The following KIAA0513 variants were observed in gnomAD, a reference collection of about 807,000 sequenced individuals.
KIAA0513 encodes KIAA0513, also known as uncharacterized protein KIAA0513.
KIAA0513 carries 39 observed loss-of-function variants against 56.5 expected under a neutral mutation model. That is an observed-to-expected ratio of 0.69 (90% CI 0.53 to 0.90). KIAA0513 has a LOEUF of 0.90. Ranked by LOEUF, KIAA0513 falls within the 40% of genes least tolerant of loss-of-function variation. The pLI, the probability that KIAA0513 is intolerant of heterozygous loss-of-function variation, is 0.00. For missense variants in KIAA0513, 591 were observed against 535.2 expected (o/e 1.10, Z -1.03); for synonymous variants, 268 against 215.6 (o/e 1.24, Z -2.13).
chr16:85,048,180 G>T (rs1389428190), intron 1 of KIAA0513, among the ~76,000 whole-genome samples: 7 of 152,184 alleles, frequency 4.6e-5, no homozygotes. Flanking sequence ...TGGGCCTCTG[G>T]AGCCCATCCC....
chr16:85,084,186 C>T (rs1200725228), intron 10 of KIAA0513, among the ~76,000 whole-genome samples: 3 of 151,208 alleles, frequency 2.0e-5, no homozygotes, highest in African/African-American at 4.9e-5. Context: ...CTCAGCCTCC[C>T]GAGTAGTTAG....
chr16:85,069,397 GTTTGC>G (rs2073539058), intron 2 of KIAA0513, among the ~76,000 whole-genome samples: 1 of 152,140 alleles, frequency 6.6e-6, no homozygotes, highest in Admixed American at 6.6e-5. Flanking sequence ...AGAAGCAGCT[GTTTGC>G]ATGGGGCCCT....
At chr16:85,033,402 C>T (rs1380113357) in intron 1 of KIAA0513, among the ~76,000 whole-genome samples, 1 of 152,202 alleles carries the variant, frequency 6.6e-6, no homozygotes. Context: ...CCTTCTTTTG[C>T]GTTTTGCTGC....
At chr16:85,080,900 G>A (rs2073733859) in intron 8 of KIAA0513, among the ~76,000 whole-genome samples, 1 of 152,198 alleles carries the variant, frequency 6.6e-6, no homozygotes, top group Admixed American at 6.5e-5. Flanking sequence ...TGCCATTGAT[G>A]TTACTAGACC....
In KIAA0513 at chr16:85,088,309, A is replaced by ACT. The variant is rs772079957; in HGVS notation, c.1220_1221insCT (p.Gln407HisfsTer2). ...AAGCTGCTTAGTGACCACATTGAGC[A>ACT]AATGGCCACTGAGTAGGCCCCAGAG... On this transcript the variant is annotated frameshift_variant, in exon 13 of 13. Coordinates refer to ENST00000683363, the MANE Select transcript of KIAA0513 (RefSeq NM_001388359.1). LOFTEE classifies it high-confidence loss of function. 2.9e-5 allele frequency: 46 copies of ACT among 1,611,776 alleles called. No individual in the cohort carries two copies. The highest frequency in any genetic ancestry group is 3.9e-5 in the Non-Finnish European group (46 of 1,179,920).
chr16:85,040,263 G>C (rs1353672315), intron 1 of KIAA0513, among the ~76,000 whole-genome samples: 3 of 152,222 alleles, frequency 2.0e-5, no homozygotes, highest in Non-Finnish European at 2.9e-5. Flanking sequence ...GGTGCTTCTG[G>C]CATCTAGCGA....
intron 7 of KIAA0513, 120 bp downstream of exon 7, chr16:85,078,575 G>A (rs2073694325): frequency 2.2e-6 from 2 of 921,388 alleles, no homozygotes; most frequent in East Asian, 2.6e-5. Context: ...CCTTGCCCTG[G>A]GTGATGCCCC....
At chr16:85,043,994 C>T (rs1474462797) in intron 1 of KIAA0513, among the ~76,000 whole-genome samples, 2 of 152,152 alleles carry the variant, frequency 1.3e-5, no homozygotes, top group Non-Finnish European at 2.9e-5. Context: ...TGCGCCAGTG[C>T]ACTCCAGCCT....
At chr16:85,058,429 G>A (rs2143962895) in intron 1 of KIAA0513, among the ~76,000 whole-genome samples, 1 of 152,300 alleles carries the variant, frequency 6.6e-6, no homozygotes, top group East Asian at 1.9e-4. Context: ...CGAAGCAGGT[G>A]GATCCCTGAG....
At chr16:85,050,612 A>T (rs868361385) in intron 1 of KIAA0513, among the ~76,000 whole-genome samples, 7 of 152,140 alleles carry the variant, frequency 4.6e-5, no homozygotes, top group Middle Eastern at 3.2e-3. Flanking sequence ...CGCCGTGCCC[A>T]GCCGAGCTGT....
intron 12 of KIAA0513, among the ~76,000 whole-genome samples, chr16:85,087,527 C>T (rs1243044589): frequency 6.6e-6 from 1 of 152,208 alleles, no homozygotes; most frequent in South Asian, 2.1e-4. Flanking sequence ...CACGTGGCAT[C>T]CTTTTCTTTC....
rs971126364 is a variant in KIAA0513 at position 85,068,553 on chromosome 16, C to T, written c.329+1153C>T. 2.6e-5 allele frequency among the ~76,000 whole-genome samples: 4 copies of T among 151,742 alleles called. No homozygotes were observed. In the South Asian group the frequency reaches 8.3e-4, roughly 32 times the overall value. On this transcript the variant is annotated intron_variant, in intron 2 of 12. Coordinates refer to ENST00000683363, the MANE Select transcript of KIAA0513 (RefSeq NM_001388359.1). ...TTCACCATGTTAGCCAGGATGGTCTCGATCTCCTGACCTCATGATCCGCCT... is the reference window on the plus strand; with the variant it reads ...TTCACCATGTTAGCCAGGATGGTCTTGATCTCCTGACCTCATGATCCGCCT...
At chr16:85,047,608 C>T (rs1004968534) in intron 1 of KIAA0513, among the ~76,000 whole-genome samples, 2 of 152,202 alleles carry the variant, frequency 1.3e-5, no homozygotes. Context: ...CCTCTGCTGG[C>T]ACTGTCACTG....
intron 1 of KIAA0513, among the ~76,000 whole-genome samples, chr16:85,038,440 C>A (rs2073062992): frequency 6.6e-6 from 1 of 152,140 alleles, no homozygotes; most frequent in Non-Finnish European, 1.5e-5. Context: ...GGTGCAGTGG[C>A]TCATGCCTGT....
intron 1 of KIAA0513, among the ~76,000 whole-genome samples, chr16:85,064,638 C>T (rs1028614397): frequency 1.3e-5 from 2 of 152,222 alleles, no homozygotes; most frequent in African/African-American, 2.4e-5. Context: ...ATATTTATAT[C>T]GTGGTTATTA....
At chr16:85,052,149 G>A (rs373885328) in intron 1 of KIAA0513, among the ~76,000 whole-genome samples, 19 of 152,050 alleles carry the variant, frequency 1.2e-4, no homozygotes, top group East Asian at 9.8e-4. Flanking sequence ...GTGAAACCCC[G>A]TCTCTACTAA....
chr16:85,080,503 G>T (rs972485612), intron 8 of KIAA0513, among the ~76,000 whole-genome samples: 1 of 152,178 alleles, frequency 6.6e-6, no homozygotes, highest in African/African-American at 2.4e-5. Flanking sequence ...TCTTTAAGAA[G>T]AATTTTTCTG....
chr16:85,030,324 C>G (rs1339907153), intron 1 of KIAA0513, among the ~76,000 whole-genome samples: 1 of 152,194 alleles, frequency 6.6e-6, no homozygotes, highest in East Asian at 1.9e-4. Flanking sequence ...AATCGTTTTC[C>G]TTGTCCCCCA....
intron 11 of KIAA0513, 22 bp downstream of exon 11, chr16:85,086,746 C>T (rs554085002): frequency 1.8e-5 from 28 of 1,591,270 alleles, no homozygotes; most frequent in African/African-American, 9.8e-5. Flanking sequence ...AGTGGGAAAG[C>T]GGGAGGGGAG....
Sources: gnomAD v4.1 joint callset for allele counts (sites outside exome capture counted in the v4.1 genomes callset) on GRCh38, gnomAD v4.1.1 for gene constraint, MANE v1.5 for transcripts, NCBI Gene and HGNC (gene_info 2026-07-23, HGNC 2026-07-21) for gene names.